The following CSMD1 variants were observed in gnomAD, a reference collection of about 807,000 sequenced individuals.
The protein encoded by CSMD1 is CUB and Sushi multiple domains 1, also known as CUB and sushi domain-containing protein 1.
Under a neutral mutation model 417.5 loss-of-function variants are expected in CSMD1, and 213 were observed. The ratio of observed to expected loss-of-function variants is 0.51; its 90% CI spans 0.46 to 0.57. The LOEUF is 0.57. Ranked by LOEUF, CSMD1 falls within the 20% of genes least tolerant of loss-of-function variation. CSMD1 has a pLI of 0.00. For synonymous variants in CSMD1, 2,862 were observed against 1,736.8 expected, an observed-to-expected ratio of 1.65 and a Z score of -16.11; for missense variants, 6,923 against 4,529.7, an observed-to-expected ratio of 1.53 and a Z score of -15.17.
intron 5 of CSMD1, among the ~76,000 whole-genome samples, chr8:3,771,947 T>G (rs1307598315): frequency 6.6e-6 from 1 of 151,998 alleles, no homozygotes; most frequent in Middle Eastern, 3.2e-3. Context: ...AGCCGTGTAA[T>G]GTCTACTGGC....
intron 4 of CSMD1, among the ~76,000 whole-genome samples, chr8:4,018,983 ACT>A (rs1219850800): frequency 6.6e-6 from 1 of 152,170 alleles, no homozygotes; most frequent in African/African-American, 2.4e-5. Context: ...TTTGTGTTTA[ACT>A]CTGATTACCA....
chr8:3,586,326 A>G (rs1800600320), intron 8 of CSMD1, 66 bp from the exon 9 acceptor site: 12 of 1,467,096 alleles, frequency 8.2e-6, no homozygotes. Flanking sequence ...AGGAAAAAAA[A>G]AAAAATCAGC....
rs954473682 is a variant in CSMD1, at chr8:3,308,611, A to T, written c.3632-108T>A. The T allele has an allele frequency of 1.4e-5, 11 of 775,956 alleles. 1 individual carries two copies. The South Asian group carries it at 2.0e-4, about 14-fold the overall frequency. 48.1% of individuals were successfully genotyped at this position (775,956 alleles called of 1,614,324 possible). A position where few individuals can be genotyped will look rare whatever the true frequency, so the allele number is the denominator to read the frequency against. Reference sequence around the variant, plus strand: ...TAAATGCTCCTTGAAGGGTAGGGAGAAAAAAGGAGATTGTGAATTTACAAA... The same window carrying T: ...TAAATGCTCCTTGAAGGGTAGGGAGTAAAAAGGAGATTGTGAATTTACAAA... On this transcript the variant is annotated intron_variant, in intron 23 of 69. Transcript: ENST00000635120.
At chr8:4,455,924 A>G in intron 2 of CSMD1, among the ~76,000 whole-genome samples, 2 of 106,776 alleles carry the variant, frequency 1.9e-5, no homozygotes, top group South Asian at 4.0e-4. Flanking sequence ...GTGAGACTCC[A>G]ACTCCAAAAA....
chr8:3,366,127 A>G (rs13266259), intron 20 of CSMD1, among the ~76,000 whole-genome samples: 34,687 of 152,072 alleles, frequency 0.23, 4,013 homozygotes, highest in Middle Eastern at 0.28. Context: ...CTGGGCTATG[A>G]GGAATAAGGA....
intron 26 of CSMD1, among the ~76,000 whole-genome samples, chr8:3,246,986 G>A (rs1027315478): frequency 2.0e-5 from 3 of 152,084 alleles, no homozygotes; most frequent in African/African-American, 7.2e-5. Flanking sequence ...TTATGTTAAG[G>A]CAAGAGTTAT....
rs1752095648 is a variant in CSMD1 at position 4,585,433 on chromosome 8, G to A, written c.302+51909C>T. 2.0e-5 allele frequency among the ~76,000 whole-genome samples: 3 copies of A among 152,218 alleles called. No homozygotes were observed. In the South Asian group the frequency reaches 6.2e-4, roughly 32 times the overall value. ...AAATGAAGAATGACTGTCACAAAACGTGGAATATGGGCAAAATAATAAATA... is the reference window on the plus strand; with the variant it reads ...AAATGAAGAATGACTGTCACAAAACATGGAATATGGGCAAAATAATAAATA... On this transcript the variant is annotated intron_variant, in intron 2 of 69. Transcript: ENST00000635120.
At chr8:3,615,713 C>A (rs1294114592) in intron 8 of CSMD1, among the ~76,000 whole-genome samples, 1 of 152,162 alleles carries the variant, frequency 6.6e-6, no homozygotes, top group Non-Finnish European at 1.5e-5. Flanking sequence ...TACTTTTCTT[C>A]CATTTGTAGC....
intron 5 of CSMD1, among the ~76,000 whole-genome samples, chr8:3,775,937 C>G (rs1798865091): frequency 6.6e-6 from 1 of 152,174 alleles, no homozygotes. Context: ...GTGAATGCCA[C>G]CTATATGCTG....
At chr8:3,583,951 T>C (rs1800491237) in intron 9 of CSMD1, among the ~76,000 whole-genome samples, 2 of 151,648 alleles carry the variant, frequency 1.3e-5, no homozygotes, top group Admixed American at 1.3e-4. Flanking sequence ...GGAGAAACGA[T>C]TATCTCAAAA....
intron 15 of CSMD1, among the ~76,000 whole-genome samples, chr8:3,401,558 T>C (rs1301981860): frequency 1.3e-5 from 2 of 152,280 alleles, no homozygotes; most frequent in East Asian, 1.9e-4. Flanking sequence ...AATAAGTTTG[T>C]ATTAGTCAGT....
chr8:4,385,123 C>T (rs565811703), intron 3 of CSMD1, among the ~76,000 whole-genome samples: 1 of 151,448 alleles, frequency 6.6e-6, no homozygotes, highest in Non-Finnish European at 1.5e-5. Flanking sequence ...GACGGTGTTT[C>T]ACCATGTTGG....
At chr8:4,231,706 G>A (rs1801745093) in intron 3 of CSMD1, among the ~76,000 whole-genome samples, 1 of 152,142 alleles carries the variant, frequency 6.6e-6, no homozygotes, top group South Asian at 2.1e-4. Context: ...AATAAGCCAA[G>A]TCTTAAGAAT....
intron 5 of CSMD1, among the ~76,000 whole-genome samples, chr8:3,993,624 T>C (rs1029083542): frequency 2.0e-4 from 31 of 152,194 alleles, no homozygotes; most frequent in African/African-American, 7.2e-4. Flanking sequence ...ATACACCAGA[T>C]AGGCAAAAGG....
chr8:4,877,188 C>T (rs2116939262), intron 1 of CSMD1, among the ~76,000 whole-genome samples: 1 of 152,010 alleles, frequency 6.6e-6, no homozygotes. Flanking sequence ...ACAATGGCCC[C>T]TGAATGAGTA....
intron 6 of CSMD1, among the ~76,000 whole-genome samples, chr8:3,745,226 A>G (rs931893422): frequency 6.6e-6 from 1 of 152,328 alleles, no homozygotes; most frequent in Middle Eastern, 3.4e-3. Flanking sequence ...ATTGTAGACT[A>G]TGCCATGGTC....
At position 4,413,729 on chromosome 8, in the gene CSMD1, A is replaced by C. The variant is rs1007261796; in HGVS notation, c.415+6224T>G. On this transcript the variant is annotated intron_variant, in intron 3 of 69. Coordinates refer to ENST00000635120, the MANE Select transcript of CSMD1 (RefSeq NM_033225.6). The stretch of plus-strand genomic sequence containing the variant: ...TCATTTAACATTGATTAGGGGTTCT[A>C]ATACAGCTAGTGTTCAAAACCCCTG... 2.0e-5 allele frequency among the ~76,000 whole-genome samples: 3 copies of C among 152,098 alleles called. No individual in the cohort carries two copies. The East Asian group carries it at 5.8e-4, about 30-fold the overall frequency.
intron 7 of CSMD1, among the ~76,000 whole-genome samples, chr8:3,620,739 G>C (rs1464283149): frequency 2.0e-5 from 3 of 151,996 alleles, no homozygotes; most frequent in Non-Finnish European, 4.4e-5. Context: ...AACAGTAATG[G>C]GACAAAGGAG....
chr8:4,226,834 G>A (rs916342745), intron 3 of CSMD1, among the ~76,000 whole-genome samples: 5 of 152,176 alleles, frequency 3.3e-5, no homozygotes, highest in Admixed American at 2.0e-4. Context: ...AAATGCAAAT[G>A]CAAATGCATG....
Sources: allele counts gnomAD v4.1 joint callset (sites outside exome capture counted in the v4.1 genomes callset), GRCh38; gene constraint gnomAD v4.1.1; transcripts MANE v1.5; gene names NCBI Gene and HGNC (gene_info 2026-07-23, HGNC 2026-07-21).